Variants in ROR1 observed in about 807,000 individuals in gnomAD.
ROR1 encodes inactive tyrosine-protein kinase transmembrane receptor ROR1.
A neutral mutation model predicts 78.8 loss-of-function variants in ROR1; 19 were observed. That is an observed-to-expected ratio of 0.24 (90% confidence interval 0.17 to 0.35). ROR1 has a LOEUF of 0.35. Among genes scored for constraint, ROR1 ranks in the 10% least tolerant of loss-of-function variants. The pLI, the probability that ROR1 is intolerant of heterozygous loss-of-function variation, is 1.00. For missense variants in ROR1, 917 were observed against 1,177.8 expected (o/e 0.78, Z 3.24); for synonymous variants, 386 against 433.6 (o/e 0.89, Z 1.36).
chr1:64,008,683 G>A (rs866192649), intron 1 of ROR1, among the ~76,000 whole-genome samples: 9 of 152,150 alleles, frequency 5.9e-5, no homozygotes, highest in Admixed American at 4.6e-4. Context: ...CAGCCAGGCT[G>A]GATTTCAGTG....
At chr1:63,945,652 C>G (rs1420580544) in intron 1 of ROR1, among the ~76,000 whole-genome samples, 1 of 152,190 alleles carries the variant, frequency 6.6e-6, no homozygotes, top group Non-Finnish European at 1.5e-5. Context: ...GCAGGGTTGT[C>G]CTGGTTCTAC....
chr1:63,978,120 G>C (rs776086527), intron 1 of ROR1, among the ~76,000 whole-genome samples: 2 of 152,152 alleles, frequency 1.3e-5, no homozygotes, highest in African/African-American at 4.8e-5. Flanking sequence ...TATCTGGTTA[G>C]TAGCCCAACT....
intron 1 of ROR1, among the ~76,000 whole-genome samples, chr1:63,970,182 G>A (rs1646108030): frequency 6.6e-6 from 1 of 151,984 alleles, no homozygotes; most frequent in South Asian, 2.1e-4. Context: ...GAATTCCCAA[G>A]TCTAGGTTGG....
At chr1:63,923,111 G>C (rs772674186) in intron 1 of ROR1, among the ~76,000 whole-genome samples, 3 of 152,170 alleles carry the variant, frequency 2.0e-5, no homozygotes, top group Non-Finnish European at 2.9e-5. Context: ...CTGGGCGACT[G>C]ATGTAAAACA....
chr1:64,002,404 G>A (rs139731804), intron 1 of ROR1, among the ~76,000 whole-genome samples: 2,143 of 152,246 alleles, frequency 0.014, 47 homozygotes, highest in African/African-American at 0.047. Context: ...GATTACAGGC[G>A]TGAGCCATTG....
intron 1 of ROR1, among the ~76,000 whole-genome samples, chr1:63,803,996 TA>T (rs1421110255): frequency 2.0e-5 from 3 of 152,100 alleles, no homozygotes; most frequent in African/African-American, 7.2e-5. Flanking sequence ...TATGAGACAT[TA>T]AAAAAAGTAC....
At chr1:63,876,081 T>C (rs116196908) in intron 1 of ROR1, among the ~76,000 whole-genome samples, 302 of 152,336 alleles carry the variant, frequency 2.0e-3, no homozygotes, top group African/African-American at 6.3e-3. Context: ...TGAATGTAAG[T>C]TAAAGCCAGT....
intron 1 of ROR1, among the ~76,000 whole-genome samples, chr1:63,956,449 G>GGAGT (rs1221055828): frequency 6.6e-6 from 1 of 152,188 alleles, no homozygotes; most frequent in Non-Finnish European, 1.5e-5. Context: ...GGGTCATTGA[G>GGAGT]GAGTGAGTGA....
At chr1:63,840,600 A>T (rs1466658021) in intron 1 of ROR1, among the ~76,000 whole-genome samples, 2 of 152,172 alleles carry the variant, frequency 1.3e-5, no homozygotes, top group Admixed American at 6.5e-5. Context: ...ATATTTTAAA[A>T]TAATCTTCCA....
intron 2 of ROR1, among the ~76,000 whole-genome samples, chr1:64,048,020 T>G (rs1367894817): frequency 6.6e-6 from 1 of 152,214 alleles, no homozygotes; most frequent in Non-Finnish European, 1.5e-5. Flanking sequence ...ACATTAACAA[T>G]GTTCCTTCTG....
intron 4 of ROR1, among the ~76,000 whole-genome samples, chr1:64,102,548 C>T (rs1319861117): frequency 6.6e-6 from 1 of 152,100 alleles, no homozygotes; most frequent in Non-Finnish European, 1.5e-5. Context: ...TTTTATTCAC[C>T]TGTCTTTTAT....
intron 1 of ROR1, among the ~76,000 whole-genome samples, chr1:63,823,519 A>G (rs1644935889): frequency 7.6e-6 from 1 of 131,426 alleles, no homozygotes; most frequent in African/African-American, 3.0e-5. Flanking sequence ...GTGCTATCAT[A>G]GCTCGTTGTA....
chr1:63,829,455 T>G (rs1048466007), intron 1 of ROR1, among the ~76,000 whole-genome samples: 1 of 152,128 alleles, frequency 6.6e-6, no homozygotes, highest in Admixed American at 6.6e-5. Context: ...CTAATTCAGA[T>G]GTGGGGACAG....
chr1:64,128,519 T>G (rs1247141948), intron 4 of ROR1, among the ~76,000 whole-genome samples: 2 of 151,734 alleles, frequency 1.3e-5, no homozygotes, highest in East Asian at 3.9e-4. Flanking sequence ...GGTGGGGAAG[T>G]AGAGAGATTG....
intron 1 of ROR1, among the ~76,000 whole-genome samples, chr1:63,866,979 G>A (rs1427435926): frequency 6.6e-6 from 1 of 152,188 alleles, no homozygotes; most frequent in East Asian, 1.9e-4. Context: ...GAAATCACTG[G>A]ATAGGCATAG....
At chr1:64,123,575 A>T (rs113843431) in intron 4 of ROR1, among the ~76,000 whole-genome samples, 3 of 152,308 alleles carry the variant, frequency 2.0e-5, no homozygotes, top group African/African-American at 7.2e-5. Flanking sequence ...AATGGACAGA[A>T]AAAGTGCTAA....
At chr1:64,158,715 A>G (rs979344886) in intron 7 of ROR1, among the ~76,000 whole-genome samples, 9 of 152,248 alleles carry the variant, frequency 5.9e-5, no homozygotes, top group African/African-American at 2.2e-4. Flanking sequence ...AGGCAACATC[A>G]GAGGAGGACC....
intron 1 of ROR1, among the ~76,000 whole-genome samples, chr1:63,959,706 A>T (rs1156416919): frequency 6.6e-6 from 1 of 152,162 alleles, no homozygotes; most frequent in African/African-American, 2.4e-5. Context: ...TTGCTACCCG[A>T]ATCAACATGA....
intron 4 of ROR1, among the ~76,000 whole-genome samples, chr1:64,068,733 A>T (rs1646977926): frequency 1.3e-5 from 2 of 152,182 alleles, no homozygotes; most frequent in Admixed American, 1.3e-4. Flanking sequence ...ATCCATTGTG[A>T]TAGAAATTTT....
Sources: allele counts gnomAD v4.1 joint callset (sites outside exome capture counted in the v4.1 genomes callset), GRCh38; gene constraint gnomAD v4.1.1; transcripts MANE v1.5; gene names NCBI Gene and HGNC (gene_info 2026-07-23, HGNC 2026-07-21).